Variants in KIR2DL1 observed in about 807,000 individuals in gnomAD.
KIR2DL1 encodes killer cell immunoglobulin like receptor, two Ig domains and long cytoplasmic tail 1, also known as killer cell immunoglobulin-like receptor 2DL1.
KIR2DL1 carries 38 observed loss-of-function variants against 33.9 expected under a neutral mutation model. That is an observed-to-expected ratio of 1.12 (90% CI 0.86 to 1.47). The LOEUF (loss-of-function observed/expected upper bound fraction) is 1.47. KIR2DL1 is among the 40% of genes most tolerant of loss of function. The pLI is 0.00. For missense variants in KIR2DL1, 531 were observed against 433.9 expected (o/e 1.22, Z -1.99); for synonymous variants, 179 against 165.9 (o/e 1.08, Z -0.61).
At position 54,770,884 on chromosome 19, in the gene KIR2DL1, G is replaced by C; in HGVS notation, c.70G>C (p.Gly24Arg). The change falls in exon 2 of 8, where the codon GGA becomes CGA. Residue 24 changes from glycine (G) to arginine (R), a missense_variant and splice_region_variant. By Grantham distance (125) the Gly-to-Arg change is moderately radical. Coordinates refer to ENST00000336077, the MANE Select transcript of KIR2DL1 (RefSeq NM_014218.3). ...GCTGCAGGGGGCCTGGCCACATGAG[G>C]GTGAGTCCTTCTCCCAACCTTCGGG... ...FLLQGAWPHE[G>R]VHRKPSLLAH... 1.9e-6 allele frequency: 3 copies of C among 1,584,072 alleles called. No homozygotes were observed. Among genetic ancestry groups the C allele is most frequent in the Non-Finnish European group, 2.6e-6 (3 of 1,156,366 alleles).
intron 5 of KIR2DL1, among the ~76,000 whole-genome samples, chr19:54,779,692 C>A (rs1287775164): frequency 6.7e-6 from 1 of 148,952 alleles, no homozygotes; most frequent in Non-Finnish European, 1.5e-5. Flanking sequence ...AACATATTCA[C>A]AAGCTATGGA....
chr19:54,776,935 C>T (rs1468216572), intron 4 of KIR2DL1, among the ~76,000 whole-genome samples: 5 of 149,104 alleles, frequency 3.4e-5, no homozygotes, highest in Non-Finnish European at 6.0e-5. Context: ...ATCCACCTCA[C>T]CCAACCTCTT....
rs1338633510 is a variant in KIR2DL1 at position 54,778,670 on chromosome 19, C to A, written c.715+8C>A. Reference sequence around the variant, plus strand: ...AACCAAGCTCCAAAACCGGTGAGTACAGAACCCTCTTATATCCGCTTTTGG... The same window carrying A: ...AACCAAGCTCCAAAACCGGTGAGTAAAGAACCCTCTTATATCCGCTTTTGG... On this transcript the variant is annotated splice_region_variant and intron_variant, in intron 5 of 7. Coordinates refer to ENST00000336077, the MANE Select transcript of KIR2DL1 (RefSeq NM_014218.3). The A allele has an allele frequency of 6.5e-7, 1 of 1,535,124 alleles. No homozygotes were observed. The highest frequency in any genetic ancestry group is 1.7e-5 in the Admixed American group (1 of 57,502).
rs750107753 is a variant in KIR2DL1 at position 54,783,786 on chromosome 19, C to T, written c.1020C>T (p.Ser340=). 1.2e-6 allele frequency: 2 copies of T among 1,613,858 alleles called. No homozygotes were observed. The highest frequency in any genetic ancestry group is 1.1e-5 in the South Asian group (1 of 91,084). The part of the protein sequence containing the change: ...IVYTELPNAE[S]RSKVVSCP ...ACACGGAACTTCCAAATGCTGAGTC[C>T]AGATCCAAAGTTGTCTCCTGCCCAT... The change falls in exon 8 of 8, where the codon TCC becomes TCT. Residue 340 remains serine, a synonymous_variant. Coordinates refer to ENST00000336077, the MANE Select transcript of KIR2DL1 (RefSeq NM_014218.3).
At chr19:54,772,432 C>A (rs2075843786) in intron 2 of KIR2DL1, among the ~76,000 whole-genome samples, 1 of 145,954 alleles carries the variant, frequency 6.9e-6, no homozygotes, top group Non-Finnish European at 1.5e-5. Flanking sequence ...CGATTTCTGT[C>A]TCCAGAATTG....
rs368759371 is a variant in KIR2DL1 at position 54,782,910 on chromosome 19, A to C, written c.716-12A>C. The C allele has an allele frequency of 1.1e-3, 1,735 of 1,609,208 alleles. 16 individuals carry two copies. The African/African-American group carries it at 0.017, about 16-fold the overall frequency. On this transcript the variant is annotated splice_polypyrimidine_tract_variant and intron_variant, in intron 5 of 7. Coordinates refer to ENST00000336077, the MANE Select transcript of KIR2DL1 (RefSeq NM_014218.3). The stretch of plus-strand genomic sequence containing the variant: ...AAGATTAGCTTCTTATTGGTGTCTC[A>C]TCTTCTTCCAGGTAACCCCCGACAC...
rs551788589 is a variant in KIR2DL1, at chr19:54,770,198, G to T, written c.34+314G>T. Among the ~76,000 whole-genome samples the T allele has an allele frequency of 9.0e-5, 13 of 144,028 alleles. 1 individual carries two copies. In the East Asian group the frequency reaches 2.6e-3, roughly 28 times the overall value. The allele number at this position is 144,028 out of a possible 152,430, so 94.5% of individuals were successfully genotyped here. A position where few individuals can be genotyped will look rare whatever the true frequency, so the allele number is the denominator to read the frequency against. ...GGAGGTGGAGATATGGGCCTGGAGTGGAGTCATGGGCCTGGAGGTGGAGTT... is the reference window on the plus strand; with the variant it reads ...GGAGGTGGAGATATGGGCCTGGAGTTGAGTCATGGGCCTGGAGGTGGAGTT... On this transcript the variant is annotated intron_variant, in intron 1 of 7. Transcript: ENST00000336077.
In KIR2DL1 at chr19:54,783,794, A is replaced by T. The variant is rs1488737808; in HGVS notation, c.1028A>T (p.Lys343Ile). Residue 343 changes from lysine to isoleucine, a missense_variant, in exon 8 of 8, where the codon AAA becomes ATA. Physicochemically the swap from Lys to Ile is moderately radical, Grantham distance 102. Coordinates refer to ENST00000336077, the MANE Select transcript of KIR2DL1 (RefSeq NM_014218.3). The stretch of plus-strand genomic sequence containing the variant: ...CTTCCAAATGCTGAGTCCAGATCCA[A>T]AGTTGTCTCCTGCCCATGAGCACCA... ...TELPNAESRSKVVSCP is the reference protein window; with the variant it reads ...TELPNAESRSIVVSCP 12 of 1,613,940 alleles carry T rather than the reference A, an allele frequency of 7.4e-6. No individual in the cohort carries two copies. The highest frequency in any genetic ancestry group is 1.6e-4 in the Middle Eastern group (1 of 6,062).
rs1351571975 is a variant in KIR2DL1 at position 54,775,620 on chromosome 19, A to T, written c.664+162A>T. Among the ~76,000 whole-genome samples the T allele has an allele frequency of 2.3e-3, 336 of 148,788 alleles. 20 individuals are homozygous for T. Among genetic ancestry groups the T allele is most frequent in the African/African-American group, 7.8e-3 (319 of 40,882 alleles). ...CAGGATGGCCGACAGGGCACCTCCA[A>T]ACCCTCCTACATGGCCTGCATGGAG... is the stretch of plus-strand genomic sequence containing the variant. On this transcript the variant is annotated intron_variant, in intron 4 of 7. Coordinates refer to ENST00000336077, the MANE Select transcript of KIR2DL1 (RefSeq NM_014218.3).
At chr19:54,772,378 G>A (rs1450216594) in intron 2 of KIR2DL1, among the ~76,000 whole-genome samples, 2 of 147,180 alleles carry the variant, frequency 1.4e-5, no homozygotes, top group African/African-American at 2.5e-5. Context: ...CAGAGGGAAC[G>A]AAGCCCTGCA....
At chr19:54,781,516 A>T (rs374557957) in intron 5 of KIR2DL1, among the ~76,000 whole-genome samples, 21 of 141,192 alleles carry the variant, frequency 1.5e-4, no homozygotes, top group African/African-American at 4.9e-4. Flanking sequence ...GGGGAGGTAA[A>T]CATTAACACT....
chr19:54,771,721 A>C (rs796170359), intron 2 of KIR2DL1, among the ~76,000 whole-genome samples: 35 of 145,648 alleles, frequency 2.4e-4, no homozygotes, highest in Non-Finnish European at 4.0e-4. Context: ...TCAGTCTGTA[A>C]AAGGAAGATG....
Position 54,783,697 on chromosome 19 carries a change from A to T in KIR2DL1, c.931A>T (p.Thr311Ser), listed in dbSNP as rs772461310. ...TYTQLNHCVF[T>S]QRKITRPSQR... The stretch of plus-strand genomic sequence containing the variant: ...CACACAGTTGAATCACTGCGTTTTC[A>T]CACAGAGAAAAATCACTCGCCCTTC... Residue 311 changes from threonine to serine, a missense_variant, in exon 8 of 8, where the codon ACA (threonine) becomes TCA (serine). Transcript: ENST00000336077. 2 of 1,614,014 alleles carry T rather than the reference A, an allele frequency of 1.2e-6. No individual in the cohort carries two copies. Among genetic ancestry groups the T allele is most frequent in the Non-Finnish European group, 1.7e-6 (2 of 1,179,966 alleles).
Position 54,774,082 on chromosome 19 carries a change from A to T in KIR2DL1, c.370+450A>T, listed in dbSNP as rs988204968. Among the ~76,000 whole-genome samples, 37 of 148,856 alleles carry T rather than the reference A, an allele frequency of 2.5e-4. 4 individuals are homozygous for T. Among genetic ancestry groups the T allele is most frequent in the Non-Finnish European group, 2.3e-4 (15 of 66,314 alleles). ...ACCTACAGATGCCATGTTTATTCTGACACCTCTGCCTTCCATGTAATGGAG... is the reference window on the plus strand; with the variant it reads ...ACCTACAGATGCCATGTTTATTCTGTCACCTCTGCCTTCCATGTAATGGAG... On this transcript the variant is annotated intron_variant, in intron 3 of 7. Coordinates refer to ENST00000336077, the MANE Select transcript of KIR2DL1 (RefSeq NM_014218.3).
intron 2 of KIR2DL1, among the ~76,000 whole-genome samples, chr19:54,772,409 G>A (rs1307734389): frequency 2.1e-5 from 3 of 146,274 alleles, no homozygotes; most frequent in Non-Finnish European, 4.6e-5. Context: ...TTTTACCCAC[G>A]ACAAACAGGG....
intron 5 of KIR2DL1, among the ~76,000 whole-genome samples, chr19:54,782,209 A>C (rs1302888477): frequency 1.1e-4 from 16 of 151,434 alleles, no homozygotes; most frequent in African/African-American, 3.9e-4. Flanking sequence ...AAAGCACTGC[A>C]TGACGTCCTC....
intron 5 of KIR2DL1, among the ~76,000 whole-genome samples, chr19:54,779,502 T>G (rs2076726461): frequency 6.9e-6 from 1 of 145,742 alleles, no homozygotes; most frequent in South Asian, 2.2e-4. Context: ...CACCTCTTTC[T>G]CTGAGTGCTG....
intron 1 of KIR2DL1, among the ~76,000 whole-genome samples, 194 bp from the exon 2 acceptor site, chr19:54,770,655 G>A (rs1396891768): frequency 6.8e-6 from 1 of 148,086 alleles, no homozygotes; most frequent in Non-Finnish European, 1.5e-5. Flanking sequence ...ATGGGCTTGA[G>A]GTGGGGATAT....
intron 4 of KIR2DL1, among the ~76,000 whole-genome samples, chr19:54,777,447 C>A (rs1461838860): frequency 3.4e-5 from 5 of 149,212 alleles, no homozygotes; most frequent in Admixed American, 2.0e-4. Context: ...ATTTGCGTTT[C>A]TCTGATGATG....
Sources: allele counts gnomAD v4.1 joint callset (sites outside exome capture counted in the v4.1 genomes callset), GRCh38; gene constraint gnomAD v4.1.1; transcripts MANE v1.5; gene names NCBI Gene and HGNC (gene_info 2026-07-23, HGNC 2026-07-21).